The following MAML2 variants were observed in gnomAD, a reference collection of about 807,000 sequenced individuals.
MAML2 encodes the protein mastermind like transcriptional coactivator 2, also known as mastermind-like protein 2.
MAML2 carries 22 observed loss-of-function variants against 96.1 expected under a neutral mutation model. The observed-to-expected ratio is 0.23, with a 90% confidence interval of 0.16 to 0.33. The LOEUF (loss-of-function observed/expected upper bound fraction) is 0.33, where lower values mean the gene tolerates loss of function less well. Ranked by LOEUF, MAML2 falls within the 10% of genes least tolerant of loss-of-function variation. The pLI is 1.00. For missense variants in MAML2, 1,367 were observed against 1,392.4 expected (o/e 0.98, Z 0.29); for synonymous variants, 561 against 521.3 (o/e 1.08, Z -1.04).
chr11:96,222,807 C>T (rs1442772579), intron 1 of MAML2, among the ~76,000 whole-genome samples: 1 of 152,058 alleles, frequency 6.6e-6, no homozygotes, highest in Non-Finnish European at 1.5e-5. Flanking sequence ...GTAATTGGAT[C>T]ACCATTGAAC....
chr11:96,241,340 TCTA>T (rs1862435446), intron 1 of MAML2, among the ~76,000 whole-genome samples: 1 of 152,198 alleles, frequency 6.6e-6, no homozygotes, highest in South Asian at 2.1e-4. Context: ...CTTTCCAACA[TCTA>T]CTAAAAAATC....
At chr11:96,338,817 ACACT>A (rs1218711760) in intron 1 of MAML2, among the ~76,000 whole-genome samples, 1 of 152,340 alleles carries the variant, frequency 6.6e-6, no homozygotes, top group African/African-American at 2.4e-5. Flanking sequence ...AAAAATTCTG[ACACT>A]CACCCTGAAC....
intron 1 of MAML2, among the ~76,000 whole-genome samples, chr11:96,248,104 GTTTT>G (rs1255241683): frequency 2.1e-5 from 3 of 139,878 alleles, no homozygotes; most frequent in Non-Finnish European, 4.6e-5. Context: ...AACTTCACCT[GTTTT>G]TTTACTTTTT....
chr11:95,989,846 A>G (rs1231810066), intron 3 of MAML2, among the ~76,000 whole-genome samples: 2 of 152,194 alleles, frequency 1.3e-5, no homozygotes, highest in South Asian at 2.1e-4. Flanking sequence ...TTCTTTTCAC[A>G]TGCCCTGAAT....
At chr11:96,213,699 G>C in intron 1 of MAML2, among the ~76,000 whole-genome samples, 1 of 152,260 alleles carries the variant, frequency 6.6e-6, no homozygotes, top group Middle Eastern at 3.4e-3. Flanking sequence ...GACTCCAAAA[G>C]ATACCAAGGA....
intron 1 of MAML2, among the ~76,000 whole-genome samples, chr11:96,200,204 A>T (rs963038368): frequency 6.6e-6 from 1 of 152,170 alleles, no homozygotes; most frequent in Non-Finnish European, 1.5e-5. Flanking sequence ...CTAATTAATG[A>T]TTTTGCTCAC....
At chr11:96,260,246 GA>G (rs1325352593) in intron 1 of MAML2, among the ~76,000 whole-genome samples, 1 of 151,898 alleles carries the variant, frequency 6.6e-6, no homozygotes, top group Non-Finnish European at 1.5e-5. Context: ...TAGAGCAGAA[GA>G]AAAAAGAAGA....
intron 1 of MAML2, among the ~76,000 whole-genome samples, chr11:96,297,180 G>T (rs1189023227): frequency 6.6e-6 from 1 of 152,132 alleles, no homozygotes; most frequent in African/African-American, 2.4e-5. Context: ...ATTCCGGAGT[G>T]AGGTTTCAAA....
At chr11:96,281,453 A>G (rs1863064127) in intron 1 of MAML2, among the ~76,000 whole-genome samples, 1 of 152,094 alleles carries the variant, frequency 6.6e-6, no homozygotes, top group Non-Finnish European at 1.5e-5. Flanking sequence ...AAGGCTGGCT[A>G]GGGTAGCCCA....
chr11:96,117,441 A>C (rs1184797167), intron 1 of MAML2, among the ~76,000 whole-genome samples: 1 of 152,036 alleles, frequency 6.6e-6, no homozygotes, highest in Non-Finnish European at 1.5e-5. Context: ...GATTACAGGC[A>C]CATGTCACCA....
At chr11:96,072,707 G>T (rs1359860312) in intron 2 of MAML2, among the ~76,000 whole-genome samples, 1 of 152,184 alleles carries the variant, frequency 6.6e-6, no homozygotes, top group Non-Finnish European at 1.5e-5. Flanking sequence ...TTTAAGGACG[G>T]ATTGATTACA....
chr11:96,066,074 C>T (rs965595484), intron 2 of MAML2, among the ~76,000 whole-genome samples: 2 of 152,226 alleles, frequency 1.3e-5, no homozygotes, highest in Admixed American at 1.3e-4. Flanking sequence ...AATTACCCCT[C>T]TTATGGCTCT....
chr11:96,212,108 AGTGTGTGTGTGTGT>A (rs72133828), intron 1 of MAML2, among the ~76,000 whole-genome samples: 272 of 134,240 alleles, frequency 2.0e-3, no homozygotes, highest in African/African-American at 6.7e-3. Flanking sequence ...AGGAAGACAA[AGTGTGTGTGTGTGT>A]GTGTGTGTGT....
chr11:96,267,656 C>A (rs1423615085), intron 1 of MAML2, among the ~76,000 whole-genome samples: 1 of 152,172 alleles, frequency 6.6e-6, no homozygotes, highest in Non-Finnish European at 1.5e-5. Flanking sequence ...TAACCATTGG[C>A]AGGGAGCAAG....
Position 95,985,711 on chromosome 11 carries a change from A to G in MAML2, c.2344-69T>C, listed in dbSNP as rs1857814731. 9.6e-6 allele frequency: 10 copies of G among 1,036,878 alleles called. No individual in the cohort carries two copies. The Admixed American group carries it at 2.7e-4, about 28-fold the overall frequency. 64.2% of individuals were successfully genotyped at this position (1,036,878 alleles called of 1,614,324 possible). ...TTTCACTTGTGAAAATACATGTAAA[A>G]TTTTGTAAAATTTCAGAAAATATAA... On this transcript the variant is annotated intron_variant, in intron 3 of 4. Transcript: ENST00000524717.
chr11:96,002,295 G>C (rs1031879419), intron 2 of MAML2, among the ~76,000 whole-genome samples: 1 of 152,160 alleles, frequency 6.6e-6, no homozygotes, highest in Non-Finnish European at 1.5e-5. Flanking sequence ...GAAAAAATGA[G>C]GACAGAACTT....
At chr11:96,269,048 A>G (rs1862872673) in intron 1 of MAML2, among the ~76,000 whole-genome samples, 2 of 145,162 alleles carry the variant, frequency 1.4e-5, no homozygotes, top group African/African-American at 2.6e-5. Context: ...GAAACAATAT[A>G]ATGTTGGCAT....
Position 96,020,814 on chromosome 11 carries a change from A to G in MAML2, c.2140-29091T>C, listed in dbSNP as rs142238460. On this transcript the variant is annotated intron_variant, in intron 2 of 4. Transcript: ENST00000524717. ...GAGTGTAAGGAAGAAAATTTTGGTCAGAATGAGAGAGACAGAATGGCCATT... is the reference window on the plus strand; with the variant it reads ...GAGTGTAAGGAAGAAAATTTTGGTCGGAATGAGAGAGACAGAATGGCCATT... Among the ~76,000 whole-genome samples the G allele has an allele frequency of 4.2e-3, 644 of 152,358 alleles. 6 individuals carry two copies. The highest frequency in any genetic ancestry group is 0.014 in the African/African-American group (599 of 41,584).
chr11:96,298,084 AG>A (rs1404017467), intron 1 of MAML2, among the ~76,000 whole-genome samples: 1 of 152,156 alleles, frequency 6.6e-6, no homozygotes, highest in Admixed American at 6.5e-5. Flanking sequence ...CCAATTTCCC[AG>A]AAATTCACTA....
Sources: gnomAD v4.1 joint callset for allele counts (sites outside exome capture counted in the v4.1 genomes callset) on GRCh38, gnomAD v4.1.1 for gene constraint, MANE v1.5 for transcripts, NCBI Gene and HGNC (gene_info 2026-07-23, HGNC 2026-07-21) for gene names.